Variants in SIDT1 observed in about 807,000 individuals in gnomAD.
SIDT1 encodes the protein SID1 transmembrane family member 1.
In SIDT1, 101 loss-of-function variants were observed where a neutral mutation model predicts 107.5. The observed-to-expected ratio is 0.94, with a 90% CI of 0.80 to 1.11. The LOEUF is 1.11. Ranked by LOEUF, SIDT1 falls within the 50% of genes least tolerant of loss-of-function variation. The pLI is 0.00. For missense variants in SIDT1, 1,076 were observed against 1,058.2 expected (o/e 1.02, Z -0.23); for synonymous variants, 395 against 398.2 (o/e 0.99, Z 0.10).
At chr3:113,575,355 G>T (rs1022144769) in intron 3 of SIDT1, among the ~76,000 whole-genome samples, 1 of 152,230 alleles carries the variant, frequency 6.6e-6, no homozygotes, top group Admixed American at 6.5e-5. Context: ...TGGCAACAAA[G>T]AATTGAAGGT....
rs995031695 is a variant in SIDT1, at chr3:113,533,183, G to C, written c.162G>C (p.Gly54=). Residue 54 remains glycine, a synonymous_variant, in exon 1 of 25, where the codon GGG becomes GGC. Coordinates refer to ENST00000264852, the MANE Select transcript of SIDT1 (RefSeq NM_017699.3). ...RGADFDHVYS[G]VVNLSTENIY... is the part of the protein sequence containing the mutation. The stretch of plus-strand genomic sequence containing the variant: ...CCGATTTCGATCATGTCTACAGCGG[G>C]GTGGTGAACCTCAGCACCGAGAACA... The C allele has an allele frequency of 6.3e-7, 1 of 1,577,998 alleles. No individual in the cohort carries two copies. The highest frequency in any genetic ancestry group is 1.8e-5 in the Admixed American group (1 of 55,178).
At chr3:113,545,439 C>T (rs1290586650) in intron 1 of SIDT1, among the ~76,000 whole-genome samples, 1 of 152,064 alleles carries the variant, frequency 6.6e-6, no homozygotes, top group East Asian at 1.9e-4. Flanking sequence ...ACATTAAAAT[C>T]TTGTTATAAA....
chr3:113,550,783 G>A (rs189047018), intron 1 of SIDT1, among the ~76,000 whole-genome samples: 98 of 151,902 alleles, frequency 6.5e-4, no homozygotes, highest in African/African-American at 2.3e-3. Flanking sequence ...AAGTTCAGGG[G>A]TATATGTGCA....
At chr3:113,596,769 A>G (rs1368799547) in intron 10 of SIDT1, among the ~76,000 whole-genome samples, 3 of 152,204 alleles carry the variant, frequency 2.0e-5, no homozygotes, top group African/African-American at 4.8e-5. Context: ...AGCCTCCCCA[A>G]CAGGCCTCTG....
intron 23 of SIDT1, among the ~76,000 whole-genome samples, chr3:113,625,069 C>A (rs1222555130): frequency 1.4e-5 from 2 of 140,642 alleles, no homozygotes; most frequent in Admixed American, 8.0e-5. Context: ...GATTTCTTTT[C>A]TTTTGGATAT....
Position 113,541,928 on chromosome 3 carries a change from T to TC in SIDT1, c.222+8685_222+8686insC, listed in dbSNP as rs1295939358. On this transcript the variant is annotated intron_variant, in intron 1 of 24. Transcript: ENST00000264852. The stretch of plus-strand genomic sequence containing the variant: ...AGGTCAATTTTTCTTTTTCTTTCTT[T>TC]TTTTTTTTTTTTTTAGATGGAGTCT... Among the ~76,000 whole-genome samples, 352 of 147,706 alleles carry TC rather than the reference T, an allele frequency of 2.4e-3. 2 individuals are homozygous for TC. Among genetic ancestry groups the TC allele is most frequent in the African/African-American group, 8.2e-3 (332 of 40,326 alleles).
At chr3:113,619,190 C>T (rs1946298757) in intron 20 of SIDT1, among the ~76,000 whole-genome samples, 1 of 152,200 alleles carries the variant, frequency 6.6e-6, no homozygotes, top group African/African-American at 2.4e-5. Context: ...ATTGTAGACA[C>T]AGGAACCTGT....
At chr3:113,595,565 C>T (rs1944483917) in intron 10 of SIDT1, among the ~76,000 whole-genome samples, 1 of 149,356 alleles carries the variant, frequency 6.7e-6, no homozygotes, top group Admixed American at 6.7e-5. Context: ...GGTGACAGAG[C>T]AAGACCGTGT....
intron 4 of SIDT1, among the ~76,000 whole-genome samples, chr3:113,577,777 G>T (rs1943017396): frequency 2.0e-5 from 3 of 147,120 alleles, no homozygotes; most frequent in Non-Finnish European, 4.4e-5. Flanking sequence ...AGTAAAACTG[G>T]GATTAACATG....
chr3:113,583,513 A>G lies in SIDT1; in HGVS notation c.835+17A>G. ...TCATCCAGGGTAAGAGCTAGTGAGG[A>G]ACACTTGGCTGCTTAGCAAAACCTG... On this transcript the variant is annotated intron_variant, in intron 7 of 24. Transcript: ENST00000264852. The G allele has an allele frequency of 6.5e-7, 1 of 1,538,966 alleles. No individual in the cohort carries two copies. The highest frequency in any genetic ancestry group is 1.7e-4 in the Middle Eastern group (1 of 5,728).
chr3:113,622,484 A>C (rs1302139505), intron 21 of SIDT1, among the ~76,000 whole-genome samples: 2 of 150,416 alleles, frequency 1.3e-5, no homozygotes, highest in Non-Finnish European at 3.0e-5. Flanking sequence ...AAAAAAAAAA[A>C]AAAAACTATT....
At chr3:113,537,697 T>C (rs1249946852) in intron 1 of SIDT1, among the ~76,000 whole-genome samples, 1 of 152,254 alleles carries the variant, frequency 6.6e-6, no homozygotes, top group Admixed American at 6.5e-5. Flanking sequence ...AGGCCCTGCT[T>C]CCTGGTTTGT....
intron 19 of SIDT1, among the ~76,000 whole-genome samples, chr3:113,613,513 G>C (rs564849325): frequency 6.6e-6 from 1 of 152,194 alleles, no homozygotes; most frequent in South Asian, 2.1e-4. Flanking sequence ...GTTTTCAAAG[G>C]TTAATTCTTT....
At chr3:113,617,459 G>A (rs969912551) in intron 20 of SIDT1, among the ~76,000 whole-genome samples, 1 of 152,214 alleles carries the variant, frequency 6.6e-6, no homozygotes, top group African/African-American at 2.4e-5. Flanking sequence ...GTCAGAACTA[G>A]TGATGCTAGT....
At chr3:113,607,468 T>G (rs1945419149) in intron 15 of SIDT1, among the ~76,000 whole-genome samples, 1 of 152,232 alleles carries the variant, frequency 6.6e-6, no homozygotes, top group Non-Finnish European at 1.5e-5. Context: ...TCCCTATTTT[T>G]AGATGAAGGC....
In SIDT1 at chr3:113,567,657, C is replaced by T. The variant is rs772351239; in HGVS notation, c.462C>T (p.Pro154=). The change falls in exon 3 of 25, where the codon CCC becomes CCT. Residue 154 remains proline (P), a synonymous_variant. Coordinates refer to ENST00000264852, the MANE Select transcript of SIDT1 (RefSeq NM_017699.3). ...LIFVDVASMA[P]LGAQYKLLVT... ...TTGTAGATGTCGCATCCATGGCACC[C>T]CTGGGTGCTCAGTACAAACTGCTAG... is the stretch of plus-strand genomic sequence containing the variant. 1 of 1,614,116 alleles carries T rather than the reference C, an allele frequency of 6.2e-7. No individual in the cohort carries two copies. The highest frequency in any genetic ancestry group is 1.1e-5 in the South Asian group (1 of 91,084).
chr3:113,533,055 G>C lies in SIDT1; in HGVS notation c.34G>C (p.Ala12Pro), dbSNP rs555850314. The C allele has an allele frequency of 8.9e-6, 13 of 1,457,762 alleles. No individual in the cohort carries two copies. Among genetic ancestry groups the C allele is most frequent in the Non-Finnish European group, 1.1e-5 (12 of 1,106,394 alleles). The allele number at this position is 1,457,762 out of a possible 1,614,324, so 90.3% of individuals were successfully genotyped here. Reference protein sequence around the residue: ...RGCLRLALLCALPWLLLAASP... With the variant: ...RGCLRLALLCPLPWLLLAASP... ...CTGCCTGCGGCTCGCGCTGCTCTGC[G>C]CGCTGCCCTGGCTCCTGCTGGCGGC... The change falls in exon 1 of 25, where the codon GCG (alanine) becomes CCG (proline). Residue 12 changes from alanine (A) to proline (P), a missense_variant. Coordinates refer to ENST00000264852, the MANE Select transcript of SIDT1 (RefSeq NM_017699.3).
rs1946939345 is a variant in SIDT1 at position 113,627,554 on chromosome 3, G to A, written c.2422-92G>A. 4.0e-6 allele frequency: 5 copies of A among 1,238,900 alleles called. No individual in the cohort carries two copies. In the South Asian group the frequency reaches 6.2e-5, roughly 15 times the overall value. The allele number at this position is 1,238,900 out of a possible 1,614,324, so 76.7% of individuals were successfully genotyped here. ...GCATGAGAATGAGAGGGAACTAACA[G>A]TTTCCAGTCTGTGTGCATCTCAGAG... is the stretch of plus-strand genomic sequence containing the variant. On this transcript the variant is annotated intron_variant, in intron 24 of 24. Coordinates refer to ENST00000264852, the MANE Select transcript of SIDT1 (RefSeq NM_017699.3).
rs1450898003 is a variant in SIDT1 at position 113,607,744 on chromosome 3, A to G, written c.1479-350A>G. ...TGACACACACGGGTCCACCTGTGAG[A>G]ACTCACTCTCACGGTGTAGCTGAAA... On this transcript the variant is annotated intron_variant, in intron 15 of 24. Coordinates refer to ENST00000264852, the MANE Select transcript of SIDT1 (RefSeq NM_017699.3). 2.0e-5 allele frequency among the ~76,000 whole-genome samples: 3 copies of G among 152,206 alleles called. No homozygotes were observed. The East Asian group carries it at 5.8e-4, about 29-fold the overall frequency.
Sources: allele counts gnomAD v4.1 joint callset (sites outside exome capture counted in the v4.1 genomes callset), GRCh38; gene constraint gnomAD v4.1.1; transcripts MANE v1.5; gene names NCBI Gene and HGNC (gene_info 2026-07-23, HGNC 2026-07-21).